The following SORCS2 variants were observed in gnomAD, a reference collection of about 807,000 sequenced individuals.
The protein encoded by SORCS2 is VPS10 domain-containing receptor SorCS2.
A neutral mutation model predicts 141.6 loss-of-function variants in SORCS2; 100 were observed. That is an observed-to-expected ratio of 0.71 (90% CI 0.60 to 0.83). The LOEUF is 0.83. Among genes scored for constraint, SORCS2 ranks in the 40% least tolerant of loss-of-function variants. The probability of loss-of-function intolerance (pLI) is 0.00; values close to 1 mark genes in which losing one functional copy is unlikely to be tolerated. For synonymous variants in SORCS2, 789 were observed against 676.9 expected (o/e 1.17, Z -2.57); for missense variants, 1,646 against 1,560.2 (o/e 1.05, Z -0.93).
At chr4:7,234,567 C>A (rs1360213843) in intron 1 of SORCS2, among the ~76,000 whole-genome samples, 2 of 152,200 alleles carry the variant, frequency 1.3e-5, no homozygotes, top group Non-Finnish European at 2.9e-5. Context: ...TGCTCTCGCC[C>A]TTGGGTCCCT....
chr4:7,330,855 C>CG (rs1451930792), intron 1 of SORCS2, among the ~76,000 whole-genome samples: 1 of 152,054 alleles, frequency 6.6e-6, no homozygotes, highest in Non-Finnish European at 1.5e-5. Flanking sequence ...TCTCCCACCA[C>CG]GTGTGTTCCA....
chr4:7,231,863 A>G lies in SORCS2; in HGVS notation c.480+38737A>G, dbSNP rs151152434. ...ACGAGGACAAGGATATAAGTGTGGCATCTGGGGGGATTGGGAGAGACCCAG... is the reference window on the plus strand; with the variant it reads ...ACGAGGACAAGGATATAAGTGTGGCGTCTGGGGGGATTGGGAGAGACCCAG... On this transcript the variant is annotated intron_variant, in intron 1 of 26. Coordinates refer to ENST00000507866, the MANE Select transcript of SORCS2 (RefSeq NM_020777.3). 2.8e-3 allele frequency among the ~76,000 whole-genome samples: 423 copies of G among 152,280 alleles called. 3 individuals carry two copies. Among genetic ancestry groups the G allele is most frequent in the African/African-American group, 9.6e-3 (401 of 41,558 alleles).
intron 14 of SORCS2, among the ~76,000 whole-genome samples, chr4:7,706,216 G>A (rs531053103): frequency 1.6e-5 from 2 of 124,632 alleles, no homozygotes; most frequent in South Asian, 2.9e-4. Flanking sequence ...GCTGGGCTCC[G>A]TCTGGGCAGG....
intron 2 of SORCS2, among the ~76,000 whole-genome samples, chr4:7,488,398 C>T (rs1451926650): frequency 6.6e-6 from 1 of 152,222 alleles, no homozygotes; most frequent in Non-Finnish European, 1.5e-5. Flanking sequence ...GCCTCAGTCT[C>T]AGGCTGAGGG....
At chr4:7,267,400 A>T (rs114762198) in intron 1 of SORCS2, among the ~76,000 whole-genome samples, 2,323 of 152,246 alleles carry the variant, frequency 0.015, 55 homozygotes, top group African/African-American at 0.053. Flanking sequence ...GGATGGGTCG[A>T]GTAGGGCGTC....
chr4:7,406,516 G>T (rs1478616163), intron 2 of SORCS2, among the ~76,000 whole-genome samples: 1 of 151,564 alleles, frequency 6.6e-6, no homozygotes, highest in African/African-American at 2.4e-5. Flanking sequence ...TTTTCAGTTT[G>T]TTGGCATATA....
rs751981220 is a variant in SORCS2, at chr4:7,193,558, G to T, written c.480+432G>T. Among the ~76,000 whole-genome samples, 1 of 152,126 alleles carries T rather than the reference G, an allele frequency of 6.6e-6. No individual in the cohort carries two copies. Among genetic ancestry groups the T allele is most frequent in the African/African-American group, 2.4e-5 (1 of 41,438 alleles). ...TGGGCTCCGGGATCCTTCCCTCCCT[G>T]GTCTACCAGGGACTCCGCGGTGGCG... On this transcript the variant is annotated intron_variant, in intron 1 of 26. Transcript: ENST00000507866. This position sits in a 1 kb window ranked among gnomAD's most constrained non-coding sequence, Gnocchi z 4.8.
intron 5 of SORCS2, among the ~76,000 whole-genome samples, chr4:7,660,000 CTCG>C (rs1722045801): frequency 6.6e-6 from 1 of 152,122 alleles, no homozygotes; most frequent in South Asian, 2.1e-4. Context: ...CCTTGGTTTC[CTCG>C]TCTGTAAAAT....
intron 2 of SORCS2, among the ~76,000 whole-genome samples, chr4:7,450,482 G>A (rs777577988): frequency 6.6e-6 from 1 of 152,206 alleles, no homozygotes; most frequent in Non-Finnish European, 1.5e-5. Flanking sequence ...CTGGGTAACT[G>A]TGACCCACAT....
chr4:7,599,983 C>G (rs958498809), intron 3 of SORCS2, among the ~76,000 whole-genome samples: 7 of 151,970 alleles, frequency 4.6e-5, no homozygotes, highest in African/African-American at 1.7e-4. Flanking sequence ...GCCACCACAA[C>G]CAGCTAATTT....
intron 7 of SORCS2, among the ~76,000 whole-genome samples, chr4:7,665,784 T>C (rs939215432): frequency 1.3e-5 from 2 of 152,224 alleles, no homozygotes; most frequent in East Asian, 1.9e-4. Context: ...GCAAAGACAG[T>C]GTCAGCTCTC....
intron 2 of SORCS2, among the ~76,000 whole-genome samples, chr4:7,452,625 C>T (rs993888585): frequency 3.3e-5 from 5 of 152,232 alleles, no homozygotes; most frequent in Non-Finnish European, 5.9e-5. Flanking sequence ...CACGAGGGCA[C>T]GGGCAATGTC....
chr4:7,434,718 C>A (rs1320894393), intron 2 of SORCS2: 2 of 1,612,832 alleles, frequency 1.2e-6, no homozygotes, highest in South Asian at 1.1e-5. Flanking sequence ...TGGGTTTGTT[C>A]CATACGGCCC....
At chr4:7,653,730 G>A (rs925426296) in intron 4 of SORCS2, among the ~76,000 whole-genome samples, 9 of 152,172 alleles carry the variant, frequency 5.9e-5, no homozygotes, top group Admixed American at 2.6e-4. Context: ...ACCCCTGCTC[G>A]AGGCCACTGC....
At chr4:7,695,876 GTGGATGGA>G (rs1299827624) in intron 11 of SORCS2, among the ~76,000 whole-genome samples, 741 of 27,580 alleles carry the variant, frequency 0.027, 51 homozygotes, top group East Asian at 0.21. Flanking sequence ...GGGTGGGTGG[GTGGATGGA>G]TGGATGGATG....
At chr4:7,515,264 C>T (rs370715444) in intron 2 of SORCS2, among the ~76,000 whole-genome samples, 2 of 152,196 alleles carry the variant, frequency 1.3e-5, no homozygotes, top group East Asian at 1.9e-4. Flanking sequence ...ACTTCCTCCA[C>T]GGGAGCCTGA....
intron 2 of SORCS2, among the ~76,000 whole-genome samples, chr4:7,451,637 C>T (rs1262199492): frequency 6.6e-6 from 1 of 152,264 alleles, no homozygotes; most frequent in Non-Finnish European, 1.5e-5. Context: ...GCAGTCTGCC[C>T]ATGGGCACAG....
chr4:7,296,029 C>G (rs1175183987), intron 1 of SORCS2, among the ~76,000 whole-genome samples: 1 of 152,184 alleles, frequency 6.6e-6, no homozygotes, highest in Non-Finnish European at 1.5e-5. Context: ...GCGTGTGTGG[C>G]TGGGGGTCCG....
At chr4:7,356,962 T>C (rs891304278) in intron 1 of SORCS2, among the ~76,000 whole-genome samples, 5 of 152,188 alleles carry the variant, frequency 3.3e-5, no homozygotes, top group African/African-American at 4.8e-5. Flanking sequence ...ACCTTTTATC[T>C]CCCCTTTTCT....
Sources: allele counts gnomAD v4.1 joint callset (sites outside exome capture counted in the v4.1 genomes callset), GRCh38; gene constraint gnomAD v4.1.1; non-coding constraint Gnocchi (gnomAD v3.1); transcripts MANE v1.5; gene names NCBI Gene and HGNC (gene_info 2026-07-23, HGNC 2026-07-21).